DOCK1: variants seen among roughly 807,000 people sequenced by gnomAD.
DOCK1 encodes the protein dedicator of cytokinesis protein 1.
Under a neutral mutation model 262.7 loss-of-function variants are expected in DOCK1, and 138 were observed. The ratio of observed to expected loss-of-function variants is 0.53; its 90% CI spans 0.46 to 0.61. DOCK1 has a LOEUF of 0.61. Among genes scored for constraint, DOCK1 ranks in the 20% least tolerant of loss-of-function variants. The pLI, the probability that DOCK1 is intolerant of heterozygous loss-of-function variation, is 0.00. For missense variants in DOCK1, 1,908 were observed against 2,370.7 expected (o/e 0.80, Z 4.05); for synonymous variants, 866 against 867.4 (o/e 1.00, Z 0.03).
chr10:127,039,625 G>A (rs1033935338), intron 19 of DOCK1, among the ~76,000 whole-genome samples: 7 of 152,122 alleles, frequency 4.6e-5, no homozygotes, highest in Admixed American at 2.0e-4. Context: ...GACATGCGCC[G>A]TGAGCCTAGA....
intron 38 of DOCK1, among the ~76,000 whole-genome samples, chr10:127,399,318 T>A (rs1386129843): frequency 6.6e-6 from 1 of 152,198 alleles, no homozygotes; most frequent in Non-Finnish European, 1.5e-5. Context: ...TTCACTGAGA[T>A]AATCTAAATC....
chr10:126,992,805 C>G (rs1326628317), intron 6 of DOCK1, among the ~76,000 whole-genome samples: 1 of 109,186 alleles, frequency 9.2e-6, no homozygotes, highest in Non-Finnish European at 1.9e-5. Context: ...CACACACACA[C>G]AGTTCTACAC....
At chr10:127,025,813 A>G (rs1024679840) in intron 15 of DOCK1, 30 of 156,278 alleles carry the variant, frequency 1.9e-4, no homozygotes, top group Non-Finnish European at 3.5e-4. Flanking sequence ...TTGTAATCCC[A>G]GCACTTTGGG....
chr10:126,918,052 C>T (rs1424523874), intron 1 of DOCK1, among the ~76,000 whole-genome samples: 1 of 152,180 alleles, frequency 6.6e-6, no homozygotes, highest in Non-Finnish European at 1.5e-5. Flanking sequence ...GCAAAGTGAC[C>T]TGCCTGAGGC....
At chr10:126,956,847 G>T (rs1167817172) in intron 1 of DOCK1, among the ~76,000 whole-genome samples, 2 of 152,168 alleles carry the variant, frequency 1.3e-5, no homozygotes, top group African/African-American at 4.8e-5. Flanking sequence ...GAGTGGCCAG[G>T]CTGGTCTGCA....
chr10:127,403,753 C>T (rs977413174), intron 39 of DOCK1, among the ~76,000 whole-genome samples: 9 of 152,016 alleles, frequency 5.9e-5, no homozygotes, highest in Non-Finnish European at 1.3e-4. Context: ...AGTGAGAGTC[C>T]GTCTCAAAAA....
chr10:127,178,621 G>A (rs1337555453), intron 27 of DOCK1, among the ~76,000 whole-genome samples: 6 of 152,206 alleles, frequency 3.9e-5, no homozygotes, highest in Admixed American at 6.5e-5. Flanking sequence ...TGAGGCTTGC[G>A]TAGACAGCAA....
chr10:127,187,255 G>A (rs889944130), intron 27 of DOCK1, among the ~76,000 whole-genome samples: 2 of 152,212 alleles, frequency 1.3e-5, no homozygotes, highest in African/African-American at 4.8e-5. Flanking sequence ...TGGAACAGAT[G>A]CCCTGCTACT....
intron 33 of DOCK1, among the ~76,000 whole-genome samples, chr10:127,365,388 C>T (rs1021520318): frequency 3.3e-5 from 5 of 152,230 alleles, no homozygotes; most frequent in Non-Finnish European, 7.3e-5. Context: ...GCTGCTGGCA[C>T]TATATCATGG....
At chr10:127,432,581 T>C (rs1474115608) in intron 47 of DOCK1, among the ~76,000 whole-genome samples, 3 of 152,186 alleles carry the variant, frequency 2.0e-5, no homozygotes, top group Non-Finnish European at 4.4e-5. Flanking sequence ...TGGAATTTTC[T>C]AGCTAATGAG....
rs543952653 is a variant in DOCK1, at chr10:127,259,273, C to T, written c.3044+1844C>T. ...TATTCCTGTGGCCTTCTCTCAGCTT[C>T]TCAGTCGTCATCTAGAAAATGGTGG... On this transcript the variant is annotated intron_variant, in intron 29 of 51. Coordinates refer to ENST00000623213, the MANE Select transcript of DOCK1 (RefSeq NM_001290223.2). 1.4e-4 allele frequency among the ~76,000 whole-genome samples: 22 copies of T among 152,344 alleles called. 1 individual carries two copies. The South Asian group carries it at 4.6e-3, about 32-fold the overall frequency.
At chr10:127,438,931 G>C in intron 48 of DOCK1, 96 bp from the exon 49 acceptor site, 5 of 1,293,794 alleles carry the variant, frequency 3.9e-6, no homozygotes, top group South Asian at 1.6e-5. Context: ...TGCTTTCATT[G>C]TAAATGTCTT....
At chr10:127,037,289 G>A (rs796838872) in intron 18 of DOCK1, among the ~76,000 whole-genome samples, 1 of 151,974 alleles carries the variant, frequency 6.6e-6, no homozygotes, top group Admixed American at 6.5e-5. Context: ...ATTTGTGTTA[G>A]TTATTTTATT....
At chr10:127,033,766 G>A (rs1050137553) in intron 18 of DOCK1, among the ~76,000 whole-genome samples, 2 of 152,148 alleles carry the variant, frequency 1.3e-5, no homozygotes, top group Admixed American at 1.3e-4. Flanking sequence ...GTAGTGGAGC[G>A]TGCACTGAGT....
intron 38 of DOCK1, among the ~76,000 whole-genome samples, chr10:127,388,987 C>T (rs145464097): frequency 5.0e-4 from 76 of 152,356 alleles, no homozygotes; most frequent in African/African-American, 1.1e-3. Flanking sequence ...CCAAATAACT[C>T]GGCTTCCCCA....
intron 23 of DOCK1, among the ~76,000 whole-genome samples, chr10:127,063,842 G>C (rs907433737): frequency 1.3e-5 from 2 of 152,142 alleles, no homozygotes; most frequent in Non-Finnish European, 2.9e-5. Flanking sequence ...TGCTTCAGTG[G>C]GTGTTTTATT....
chr10:127,262,188 G>T (rs2060190462), intron 29 of DOCK1, among the ~76,000 whole-genome samples: 1 of 136,528 alleles, frequency 7.3e-6, no homozygotes, highest in Non-Finnish European at 1.6e-5. Flanking sequence ...GTGTGTGTGT[G>T]TACCCGTGCT....
intron 23 of DOCK1, among the ~76,000 whole-genome samples, chr10:127,081,618 C>T (rs1339824543): frequency 6.6e-6 from 1 of 152,092 alleles, no homozygotes; most frequent in Non-Finnish European, 1.5e-5. Flanking sequence ...TTAGTTGTTT[C>T]CTCCCCAGTA....
intron 29 of DOCK1, among the ~76,000 whole-genome samples, chr10:127,304,619 C>T (rs1160665985): frequency 6.6e-6 from 1 of 152,108 alleles, no homozygotes; most frequent in South Asian, 2.1e-4. Flanking sequence ...GGTGTGTTGG[C>T]TCATGCCTGT....
Sources: gnomAD v4.1 joint callset for allele counts (sites outside exome capture counted in the v4.1 genomes callset) on GRCh38, gnomAD v4.1.1 for gene constraint, MANE v1.5 for transcripts, NCBI Gene and HGNC (gene_info 2026-07-23, HGNC 2026-07-21) for gene names.